PPP4R1: variants seen among roughly 807,000 people sequenced by gnomAD.
PPP4R1 encodes serine/threonine-protein phosphatase 4 regulatory subunit 1.
PPP4R1 carries 42 observed loss-of-function variants against 111.2 expected under a neutral mutation model. The ratio of observed to expected loss-of-function variants is 0.38; its 90% confidence interval spans 0.29 to 0.49. The LOEUF is 0.49. Ranked by LOEUF, PPP4R1 falls within the 20% of genes least tolerant of loss-of-function variation. The pLI, the probability that PPP4R1 is intolerant of heterozygous loss-of-function variation, is 0.97. For missense variants in PPP4R1, 1,012 were observed against 1,161.6 expected (o/e 0.87, Z 1.87); for synonymous variants, 409 against 405.5 (o/e 1.01, Z -0.10).
chr18:9,581,234 G>A (rs146718732), intron 9 of PPP4R1, among the ~76,000 whole-genome samples: 72 of 151,594 alleles, frequency 4.7e-4, no homozygotes, highest in African/African-American at 1.4e-3. Context: ...GATTGTGAGA[G>A]CAATCAGATT....
At chr18:9,581,768 G>C (rs966065956) in intron 9 of PPP4R1, among the ~76,000 whole-genome samples, 8 of 151,916 alleles carry the variant, frequency 5.3e-5, no homozygotes, top group African/African-American at 1.7e-4. Flanking sequence ...GTGCACATAC[G>C]GACACATCAC....
chr18:9,582,720 A>G (rs2067050201), intron 9 of PPP4R1, among the ~76,000 whole-genome samples: 1 of 152,234 alleles, frequency 6.6e-6, no homozygotes, highest in South Asian at 2.1e-4. Context: ...AAGGCACCAT[A>G]AGAAAACTAC....
intron 2 of PPP4R1, among the ~76,000 whole-genome samples, chr18:9,596,650 C>G (rs1440428443): frequency 1.3e-5 from 2 of 152,146 alleles, no homozygotes. Flanking sequence ...CTAAGAAACT[C>G]CTCCCAAATG....
At chr18:9,616,744 A>G (rs1439466144), upstream of PPP4R1, among the ~76,000 whole-genome samples, 1 of 152,264 alleles carries the variant, frequency 6.6e-6, no homozygotes, top group Non-Finnish European at 1.5e-5. Flanking sequence ...ACTATGTACC[A>G]AATGCTAGCC....
At chr18:9,552,427 G>A (rs1029189844) in intron 16 of PPP4R1, among the ~76,000 whole-genome samples, 12 of 152,092 alleles carry the variant, frequency 7.9e-5, no homozygotes, top group African/African-American at 2.4e-4. Context: ...ACCACTATCC[G>A]ATACGTATTG....
chr18:9,549,207 T>C lies in PPP4R1; in HGVS notation c.2679A>G (p.Leu893=), dbSNP rs772630533. ...VLLAKTLRQT[L]LEKDYFLASA... is the part of the protein sequence containing the mutation. Reference sequence around the variant, plus strand: ...GGAGTCACTACCTACCTTTTTCTAGTAGAGTTTGTCTTAATGTCTTTGCAA... The same window carrying C: ...GGAGTCACTACCTACCTTTTTCTAGCAGAGTTTGTCTTAATGTCTTTGCAA... Residue 893 remains leucine, a synonymous_variant, in exon 19 of 20, where the codon CTA becomes CTG. Transcript: ENST00000400556. The C allele has an allele frequency of 2.5e-6, 4 of 1,613,148 alleles. No individual in the cohort carries two copies. The highest frequency in any genetic ancestry group is 3.4e-6 in the Non-Finnish European group (4 of 1,179,096).
intron 9 of PPP4R1, among the ~76,000 whole-genome samples, chr18:9,581,977 G>A (rs1188994694): frequency 6.6e-6 from 1 of 151,990 alleles, no homozygotes; most frequent in Admixed American, 6.6e-5. Context: ...GGTGAAATAA[G>A]GACATTCACA....
intron 6 of PPP4R1, among the ~76,000 whole-genome samples, chr18:9,586,236 C>T (rs1377158237): frequency 2.0e-5 from 3 of 151,614 alleles, no homozygotes; most frequent in Non-Finnish European, 4.4e-5. Flanking sequence ...ACAAACACAA[C>T]TGTAAGAGAA....
chr18:9,572,205 A>G (rs1284344272), intron 10 of PPP4R1, among the ~76,000 whole-genome samples: 1 of 152,232 alleles, frequency 6.6e-6, no homozygotes, highest in Non-Finnish European at 1.5e-5. Context: ...AGACTGAGAC[A>G]GAGGTGGAGG....
Position 9,557,320 on chromosome 18 carries a change from T to A in PPP4R1, c.2091A>T (p.Gln697His), listed in dbSNP as rs750712027. The change falls in exon 15 of 20, where the codon CAA becomes CAT. Residue 697 changes from glutamine to histidine, a missense_variant. Gln to His is a conservative substitution (Grantham distance 24). This residue lies in a region of PPP4R1 where 305 missense variants were observed against 419.5 expected (regional missense o/e 0.73). Transcript: ENST00000400556. ...TTGGAACCAGATCTGCAGCTGTCAA[T>A]TGATCTCCAAGAATAACTGCAAGCT... The part of the protein sequence containing the change: ...IHELAVILGD[Q>H]LTAADLVPIF... 1 of 1,612,732 alleles carries A rather than the reference T, an allele frequency of 6.2e-7. No homozygotes were observed. The highest frequency in any genetic ancestry group is 1.3e-5 in the African/African-American group (1 of 74,872).
chr18:9,560,628 ATGTC>A (rs556824070), intron 13 of PPP4R1, among the ~76,000 whole-genome samples: 17 of 152,320 alleles, frequency 1.1e-4, no homozygotes, highest in Admixed American at 8.5e-4. Context: ...AATACTGAAA[ATGTC>A]TGTAAGTGGG....
chr18:9,603,300 A>T (rs1236300409), intron 2 of PPP4R1, among the ~76,000 whole-genome samples: 3 of 129,640 alleles, frequency 2.3e-5, no homozygotes, highest in Admixed American at 2.3e-4. Context: ...GTATTATCTC[A>T]TTCTAAGCAA....
chr18:9,602,288 T>A (rs2067397213), intron 2 of PPP4R1, among the ~76,000 whole-genome samples: 1 of 149,788 alleles, frequency 6.7e-6, no homozygotes, highest in South Asian at 2.1e-4. Flanking sequence ...TCCCAACACT[T>A]TGGGAGGCCA....
At chr18:9,583,574 C>A (rs2067066725) in intron 8 of PPP4R1, among the ~76,000 whole-genome samples, 2 of 151,554 alleles carry the variant, frequency 1.3e-5, no homozygotes, top group African/African-American at 4.9e-5. Flanking sequence ...ACCATGTTGG[C>A]CAGGCTGGTC....
chr18:9,608,761 A>T (rs973175310), intron 2 of PPP4R1, among the ~76,000 whole-genome samples: 5 of 152,184 alleles, frequency 3.3e-5, no homozygotes, highest in African/African-American at 1.2e-4. Context: ...CCAAAATATA[A>T]AAAAAAGATG....
Position 9,593,836 on chromosome 18 carries a change from T to G in PPP4R1, c.227A>C (p.Glu76Ala). 6.2e-7 allele frequency: 1 copy of G among 1,613,842 alleles called. No homozygotes were observed. Among genetic ancestry groups the G allele is most frequent in the Admixed American group, 1.7e-5 (1 of 59,988 alleles). Residue 76 changes from glutamate (E) to alanine (A), a missense_variant, in exon 4 of 20, where the codon GAA (glutamate) becomes GCA (alanine). Glu to Ala is a moderately radical substitution (Grantham distance 107). Coordinates refer to ENST00000400556, the MANE Select transcript of PPP4R1 (RefSeq NM_001042388.3). ...ACAATCTCTTTCATCATCGCAGACT[T>G]CCCTCAAGGTATCGAGCAAACTCCG... The part of the protein sequence containing the change: ...VARSLLDTLR[E>A]VCDDERDCIA...
At position 9,588,641 on chromosome 18, in the gene PPP4R1, T is replaced by G. The variant is rs147243180; in HGVS notation, c.438+70A>C. 2.0e-5 allele frequency: 28 copies of G among 1,390,272 alleles called. 1 individual carries two copies. The East Asian group carries it at 6.5e-4, about 32-fold the overall frequency. 86.1% of individuals were successfully genotyped at this position (1,390,272 alleles called of 1,614,324 possible). A position where few individuals can be genotyped will look rare whatever the true frequency, so the allele number is the denominator to read the frequency against. ...AGTAAAACATTCCAAAGAGAACACT[T>G]AGGCTCGGCTATTCTCCATATATTA... On this transcript the variant is annotated intron_variant, in intron 5 of 19. Transcript: ENST00000400556.
At chr18:9,600,573 T>G (rs61275183) in intron 2 of PPP4R1, among the ~76,000 whole-genome samples, 23,676 of 152,186 alleles carry the variant, frequency 0.16, 2,466 homozygotes, top group African/African-American at 0.29. Context: ...CACAAAATAG[T>G]AAGCATAAGA....
At position 9,614,315 on chromosome 18, in the gene PPP4R1, C is replaced by T; in HGVS notation, c.8-45G>A. ...GAAAGGCCCGGTCAGCGCCCCGGGG[C>T]CCGGCGCGACGCCCCCCCCCCGCCC... On this transcript the variant is annotated intron_variant, in intron 1 of 19. Transcript: ENST00000400556. The surrounding 1 kb of genome is among the most constrained non-coding windows in gnomAD (Gnocchi z 4.1). The T allele has an allele frequency of 8.4e-7, 1 of 1,191,264 alleles. No homozygotes were observed. The highest frequency in any genetic ancestry group is 1.1e-6 in the Non-Finnish European group (1 of 950,302). 73.8% of individuals were successfully genotyped at this position (1,191,264 alleles called of 1,614,324 possible).
Sources: allele counts gnomAD v4.1 joint callset (sites outside exome capture counted in the v4.1 genomes callset), GRCh38; gene constraint gnomAD v4.1.1; regional missense constraint gnomAD v4.1.1; non-coding constraint Gnocchi (gnomAD v3.1); transcripts MANE v1.5; gene names NCBI Gene and HGNC (gene_info 2026-07-23, HGNC 2026-07-21).